Variants in UBXN7 observed in about 807,000 individuals in gnomAD.
UBXN7 encodes the protein UBX domain-containing protein 7.
A neutral mutation model predicts 58.0 loss-of-function variants in UBXN7; 9 were observed. The observed-to-expected ratio is 0.16, with a 90% CI of 0.09 to 0.27. The LOEUF (loss-of-function observed/expected upper bound fraction) is 0.27. Among genes scored for constraint, UBXN7 ranks in the 10% least tolerant of loss-of-function variants. The pLI is 1.00. For synonymous variants in UBXN7, 208 were observed against 205.0 expected (o/e 1.01, Z -0.12); for missense variants, 328 against 599.6 (o/e 0.55, Z 4.73).
At chr3:196,395,292 G>A (rs1445530925) in intron 3 of UBXN7, among the ~76,000 whole-genome samples, 2 of 151,796 alleles carry the variant, frequency 1.3e-5, no homozygotes, top group African/African-American at 4.8e-5. Context: ...GCAAAACAAA[G>A]CAACAAAAAA....
At chr3:196,371,411 T>A (rs959073154) in intron 6 of UBXN7, among the ~76,000 whole-genome samples, 9 of 152,246 alleles carry the variant, frequency 5.9e-5, no homozygotes, top group African/African-American at 1.9e-4. Flanking sequence ...TAATCTTTTT[T>A]AATGTGGCTA....
chr3:196,415,343 G>A (rs1208055182), intron 1 of UBXN7, among the ~76,000 whole-genome samples: 3 of 150,474 alleles, frequency 2.0e-5, no homozygotes, highest in African/African-American at 7.3e-5. Flanking sequence ...TAGTAGAGAC[G>A]GGATTTCACC....
chr3:196,367,366 T>C (rs1000514278), intron 8 of UBXN7, among the ~76,000 whole-genome samples: 22 of 152,206 alleles, frequency 1.4e-4, no homozygotes, highest in Admixed American at 1.1e-3. Context: ...ATTCTAGAAA[T>C]TAAGTATAGA....
chr3:196,355,266 G>A lies in UBXN7; in HGVS notation c.*1419C>T, dbSNP rs1308629941. ...GTTAAAAGTTCTAGTTTTGCCACCA[G>A]AATCACGACTACCCCCCCTTCAGAG... is the stretch of plus-strand genomic sequence containing the variant. On this transcript the variant is annotated 3_prime_UTR_variant, in exon 11 of 11. Coordinates refer to ENST00000296328, the MANE Select transcript of UBXN7 (RefSeq NM_015562.2). 6.6e-6 allele frequency: 1 copy of A among 152,120 alleles called. No homozygotes were observed. Among genetic ancestry groups the A allele is most frequent in the Non-Finnish European group, 1.5e-5 (1 of 68,034 alleles). The allele number at this position is 152,120 out of a possible 1,614,324, so 9.4% of individuals were successfully genotyped here.
In UBXN7 at chr3:196,350,691, G is replaced by A. The variant is rs1728189391; in HGVS notation, c.*5994C>T. ...TCTATACTGTCTCTCTAGCAGGACT[G>A]ACACACAGGTGAGTCAAAAACCATA... is the stretch of plus-strand genomic sequence containing the variant. On this transcript the variant is annotated 3_prime_UTR_variant, in exon 11 of 11. Coordinates refer to ENST00000296328, the MANE Select transcript of UBXN7 (RefSeq NM_015562.2). 6.6e-6 allele frequency: 1 copy of A among 152,192 alleles called. No individual in the cohort carries two copies. 9.4% of individuals were successfully genotyped at this position (152,192 alleles called of 1,614,324 possible). A position where few individuals can be genotyped will look rare whatever the true frequency, so the allele number is the denominator to read the frequency against.
At chr3:196,405,371 G>A (rs1024714987) in intron 2 of UBXN7, among the ~76,000 whole-genome samples, 4 of 151,222 alleles carry the variant, frequency 2.6e-5, no homozygotes, top group Admixed American at 2.6e-4. Flanking sequence ...TTAGGAGGCT[G>A]AGGCAGGAGA....
intron 2 of UBXN7, among the ~76,000 whole-genome samples, chr3:196,405,052 G>A (rs898185696): frequency 1.3e-5 from 2 of 152,116 alleles, no homozygotes; most frequent in Admixed American, 6.5e-5. Flanking sequence ...TACTTGAGGC[G>A]CCGAGGTTGC....
Position 196,355,708 on chromosome 3 carries a change from C to T in UBXN7, c.*977G>A, listed in dbSNP as rs1728326997. On this transcript the variant is annotated 3_prime_UTR_variant, in exon 11 of 11. Transcript: ENST00000296328. ...GAATGGTTTTCTTTTTCCCCAGGGACATACCTAAGTATGCCTGAAACAACA... is the reference window on the plus strand; with the variant it reads ...GAATGGTTTTCTTTTTCCCCAGGGATATACCTAAGTATGCCTGAAACAACA... The T allele has an allele frequency of 6.6e-6, 1 of 152,194 alleles. No homozygotes were observed. Among genetic ancestry groups the T allele is most frequent in the Non-Finnish European group, 1.5e-5 (1 of 68,046 alleles). 9.4% of individuals were successfully genotyped at this position (152,194 alleles called of 1,614,324 possible).
At position 196,371,477 on chromosome 3, in the gene UBXN7, A is replaced by AGTTT. The variant is rs568339617; in HGVS notation, c.615+415_615+418dup. On this transcript the variant is annotated intron_variant, in intron 6 of 10. Coordinates refer to ENST00000296328, the MANE Select transcript of UBXN7 (RefSeq NM_015562.2). Reference sequence around the variant, plus strand: ...ACAATATATTTCTACTGAACAGTACAGTTTGTTTGTTTTGTTTTGTTTGAG... The same window carrying AGTTT: ...ACAATATATTTCTACTGAACAGTACAGTTTGTTTGTTTGTTTTGTTTTGTTTGAG... Among the ~76,000 whole-genome samples, 280 of 152,140 alleles carry AGTTT rather than the reference A, an allele frequency of 1.8e-3. 1 individual carries two copies. Among genetic ancestry groups the AGTTT allele is most frequent in the Middle Eastern group, 0.017 (5 of 294 alleles).
chr3:196,378,305 G>A lies in UBXN7; in HGVS notation c.469-6263C>T, dbSNP rs559879751. Among the ~76,000 whole-genome samples, 5 of 152,260 alleles carry A rather than the reference G, an allele frequency of 3.3e-5. No homozygotes were observed. In the South Asian group the frequency reaches 1.0e-3, roughly 32 times the overall value. ...ATTTCCTAGTGTCCCTTGCAAATGG[G>A]TGTAGCCATGCTGCCAAGTTATAGT... On this transcript the variant is annotated intron_variant, in intron 5 of 10. Coordinates refer to ENST00000296328, the MANE Select transcript of UBXN7 (RefSeq NM_015562.2).
At chr3:196,396,004 G>T (rs1729757351) in intron 3 of UBXN7, among the ~76,000 whole-genome samples, 1 of 152,084 alleles carries the variant, frequency 6.6e-6, no homozygotes, top group Non-Finnish European at 1.5e-5. Context: ...GACCTCAAGT[G>T]ATCCACCCGC....
In UBXN7 at chr3:196,355,100, T is replaced by C. The variant is rs1728309872; in HGVS notation, c.*1585A>G. ...TTTCTTCTTTTCCCAAATCCCCTAA[T>C]TGCCAAGAGAGCAATCTTAAAGTAG... On this transcript the variant is annotated 3_prime_UTR_variant, in exon 11 of 11. Coordinates refer to ENST00000296328, the MANE Select transcript of UBXN7 (RefSeq NM_015562.2). 1 of 152,078 alleles carries C rather than the reference T, an allele frequency of 6.6e-6. No individual in the cohort carries two copies. The highest frequency in any genetic ancestry group is 1.5e-5 in the Non-Finnish European group (1 of 68,012). The allele number at this position is 152,078 out of a possible 1,614,324, so 9.4% of individuals were successfully genotyped here.
rs1728175434 is a variant in UBXN7 at position 196,350,014 on chromosome 3, G to C, written c.*6671C>G. 6.6e-6 allele frequency: 1 copy of C among 152,210 alleles called. No homozygotes were observed. The highest frequency in any genetic ancestry group is 2.1e-4 in the South Asian group (1 of 4,832). 9.4% of individuals were successfully genotyped at this position (152,210 alleles called of 1,614,324 possible). On this transcript the variant is annotated 3_prime_UTR_variant, in exon 11 of 11. Transcript: ENST00000296328. The stretch of plus-strand genomic sequence containing the variant: ...ATTAAACAATAAAAACTTGCTGTTT[G>C]TTGCCAAAGAATTAAGTACAATAAT...
At chr3:196,357,603 T>C (rs1194337161) in intron 10 of UBXN7, among the ~76,000 whole-genome samples, 1 of 151,890 alleles carries the variant, frequency 6.6e-6, no homozygotes, top group Non-Finnish European at 1.5e-5. Flanking sequence ...CAAAATCCCA[T>C]CTCATCAAAA....
intron 1 of UBXN7, among the ~76,000 whole-genome samples, chr3:196,417,920 C>CA (rs1468060064): frequency 3.4e-5 from 5 of 148,098 alleles, no homozygotes; most frequent in African/African-American, 1.2e-4. Flanking sequence ...AATCCTGTCT[C>CA]TAAAAAAAAA....
At chr3:196,376,340 C>T (rs375059494) in intron 5 of UBXN7, among the ~76,000 whole-genome samples, 3 of 151,756 alleles carry the variant, frequency 2.0e-5, no homozygotes, top group South Asian at 2.1e-4. Context: ...GTCAGGAGTT[C>T]GAGACCAGCT....
intron 1 of UBXN7, among the ~76,000 whole-genome samples, chr3:196,413,079 T>C (rs900726300): frequency 6.6e-6 from 1 of 152,158 alleles, no homozygotes; most frequent in Non-Finnish European, 1.5e-5. Context: ...CGGTGGCTCA[T>C]GGCTGTAATT....
At chr3:196,389,812 T>G (rs1365747343) in intron 5 of UBXN7, among the ~76,000 whole-genome samples, 2 of 152,186 alleles carry the variant, frequency 1.3e-5, no homozygotes, top group Non-Finnish European at 2.9e-5. Context: ...AAGCTTACAT[T>G]GAAATTCCTT....
exon 1 of UBXN7, chr3:196,432,421 GAACAACA>G: frequency 6.3e-7 from 1 of 1,579,206 alleles, no homozygotes; most frequent in Non-Finnish European, 8.6e-7. Context: ...CGCCGCCGCC[GAACAACA>G]ACACAGACAC....
Sources: allele counts gnomAD v4.1 joint callset (sites outside exome capture counted in the v4.1 genomes callset), GRCh38; gene constraint gnomAD v4.1.1; transcripts MANE v1.5; gene names NCBI Gene and HGNC (gene_info 2026-07-23, HGNC 2026-07-21).